The following CADPS2 variants were observed in gnomAD, a reference collection of about 807,000 sequenced individuals.
CADPS2 encodes calcium dependent secretion activator 2, also known as calcium-dependent secretion activator 2.
In CADPS2, 93 loss-of-function variants were observed where a neutral mutation model predicts 172.5. That is an observed-to-expected ratio of 0.54 (90% CI 0.46 to 0.64). CADPS2 has a LOEUF of 0.64. Ranked by LOEUF, CADPS2 falls within the 30% of genes least tolerant of loss-of-function variation. The pLI is 0.00. For missense variants in CADPS2, 1,420 were observed against 1,565.9 expected, an observed-to-expected ratio of 0.91 and a Z score of 1.57; for synonymous variants, 546 against 555.2, an observed-to-expected ratio of 0.98 and a Z score of 0.23.
intron 2 of CADPS2, among the ~76,000 whole-genome samples, chr7:122,725,317 T>G (rs2090963126): frequency 6.6e-6 from 1 of 151,880 alleles, no homozygotes; most frequent in African/African-American, 2.4e-5. Flanking sequence ...CTCGTCCATT[T>G]TACTGTGAAA....
chr7:122,633,267 T>C (rs931484853), intron 3 of CADPS2, among the ~76,000 whole-genome samples: 16 of 152,318 alleles, frequency 1.1e-4, no homozygotes, highest in East Asian at 9.7e-4. Flanking sequence ...GCACTGATTC[T>C]GTAAATTGCT....
chr7:122,765,951 C>G (rs2093537402), intron 1 of CADPS2, among the ~76,000 whole-genome samples: 1 of 152,030 alleles, frequency 6.6e-6, no homozygotes, highest in South Asian at 2.1e-4. Flanking sequence ...TTTTGTGTTG[C>G]TTTAACAGAA....
intron 1 of CADPS2, among the ~76,000 whole-genome samples, chr7:122,795,208 A>C (rs920207680): frequency 6.6e-6 from 1 of 152,082 alleles, no homozygotes; most frequent in Non-Finnish European, 1.5e-5. Flanking sequence ...AAATTAATAG[A>C]TCACTAGCTA....
chr7:122,361,333 A>C (rs1435686247), intron 25 of CADPS2, among the ~76,000 whole-genome samples: 1 of 150,368 alleles, frequency 6.7e-6, no homozygotes, highest in Non-Finnish European at 1.5e-5. Flanking sequence ...TCCCGAGTTC[A>C]AACTATTCTC....
At position 122,532,180 on chromosome 7, in the gene CADPS2, G is replaced by T. The variant is rs549278540; in HGVS notation, c.1476-18865C>A. On this transcript the variant is annotated intron_variant, in intron 8 of 29. Transcript: ENST00000449022. ...GATTTTTCTACATAATACAACAAAT[G>T]ATTTATCTCAAATTGTTCCTTTTTG... 3.9e-4 allele frequency among the ~76,000 whole-genome samples: 59 copies of T among 152,222 alleles called. 2 individuals are homozygous for T. The South Asian group carries it at 0.012, about 30-fold the overall frequency.
intron 8 of CADPS2, among the ~76,000 whole-genome samples, chr7:122,518,809 T>G (rs1349856328): frequency 6.6e-6 from 1 of 152,088 alleles, no homozygotes; most frequent in Non-Finnish European, 1.5e-5. Flanking sequence ...ATAAAATAAG[T>G]ATCTATCACA....
At chr7:122,564,924 C>A (rs1030429391) in intron 7 of CADPS2, among the ~76,000 whole-genome samples, 2 of 151,186 alleles carry the variant, frequency 1.3e-5, no homozygotes, top group Non-Finnish European at 1.5e-5. Context: ...TCTTTTACAG[C>A]AACATGGATG....
At chr7:122,424,905 G>A (rs2048959746) in intron 17 of CADPS2, among the ~76,000 whole-genome samples, 1 of 152,150 alleles carries the variant, frequency 6.6e-6, no homozygotes, top group Admixed American at 6.5e-5. Context: ...GGATATAACT[G>A]TGTTATAGGA....
chr7:122,705,683 T>C (rs1333981782), intron 2 of CADPS2, among the ~76,000 whole-genome samples: 6 of 84,448 alleles, frequency 7.1e-5, no homozygotes, highest in Non-Finnish European at 1.3e-4. Flanking sequence ...TTATATAATA[T>C]ATCACATATT....
At chr7:122,752,744 G>A (rs990536030) in intron 1 of CADPS2, among the ~76,000 whole-genome samples, 1 of 152,074 alleles carries the variant, frequency 6.6e-6, no homozygotes, top group Non-Finnish European at 1.5e-5. Flanking sequence ...CCTACAACAG[G>A]TTAATATATA....
intron 8 of CADPS2, among the ~76,000 whole-genome samples, chr7:122,522,191 T>G (rs545558811): frequency 1.3e-5 from 2 of 152,130 alleles, no homozygotes; most frequent in Non-Finnish European, 2.9e-5. Context: ...CTTGGCTCAC[T>G]GAAAACTCCA....
intron 3 of CADPS2, among the ~76,000 whole-genome samples, chr7:122,647,605 A>C (rs1188562957): frequency 2.0e-5 from 3 of 152,212 alleles, no homozygotes; most frequent in Admixed American, 2.0e-4. Context: ...GAAGCATTTA[A>C]CTTTTTTCTA....
At chr7:122,710,780 C>T (rs933096133) in intron 2 of CADPS2, among the ~76,000 whole-genome samples, 8 of 152,054 alleles carry the variant, frequency 5.3e-5, no homozygotes, top group African/African-American at 1.9e-4. Flanking sequence ...ACCTATTTGG[C>T]AGTCATTTAA....
At chr7:122,664,300 C>A (rs2080945912) in intron 2 of CADPS2, among the ~76,000 whole-genome samples, 1 of 152,046 alleles carries the variant, frequency 6.6e-6, no homozygotes, top group Admixed American at 6.6e-5. Context: ...ATACCTGTCC[C>A]CATCCCTGAT....
chr7:122,642,054 T>A (rs1395391906), intron 3 of CADPS2, among the ~76,000 whole-genome samples: 1 of 151,702 alleles, frequency 6.6e-6, no homozygotes, highest in Non-Finnish European at 1.5e-5. Context: ...CTGAGGCAGG[T>A]GGATCACTTG....
intron 1 of CADPS2, among the ~76,000 whole-genome samples, chr7:122,739,674 A>G (rs972319634): frequency 7.9e-5 from 12 of 152,192 alleles, no homozygotes; most frequent in Non-Finnish European, 1.2e-4. Context: ...AATTACATAC[A>G]AAAAGCAAAT....
chr7:122,689,809 T>C (rs765429118), intron 2 of CADPS2, among the ~76,000 whole-genome samples: 41 of 152,236 alleles, frequency 2.7e-4, no homozygotes, highest in Middle Eastern at 3.4e-3. Context: ...CACAGTGACT[T>C]TACCCCAGTG....
intron 17 of CADPS2, chr7:122,424,228 G>T (rs905416105): frequency 5.1e-6 from 3 of 589,318 alleles, no homozygotes; most frequent in Non-Finnish European, 6.4e-6. Context: ...GCCATTTAAA[G>T]TAAGAGTTGC....
intron 7 of CADPS2, among the ~76,000 whole-genome samples, chr7:122,576,273 A>C (rs1053499632): frequency 2.6e-5 from 4 of 152,156 alleles, no homozygotes; most frequent in African/African-American, 7.2e-5. Context: ...ATCATAATAG[A>C]GAGCATAGGA....
Sources: allele counts gnomAD v4.1 joint callset (sites outside exome capture counted in the v4.1 genomes callset), GRCh38; gene constraint gnomAD v4.1.1; transcripts MANE v1.5; gene names NCBI Gene and HGNC (gene_info 2026-07-23, HGNC 2026-07-21).